The following GRIK3 variants were observed in gnomAD, a reference collection of about 807,000 sequenced individuals.
The protein encoded by GRIK3 is glutamate ionotropic receptor kainate type subunit 3.
A neutral mutation model predicts 102.5 loss-of-function variants in GRIK3; 29 were observed. The observed-to-expected ratio is 0.28, with a 90% CI of 0.21 to 0.39. GRIK3 has a LOEUF of 0.39. Among genes scored for constraint, GRIK3 ranks in the 10% least tolerant of loss-of-function variants. The probability of loss-of-function intolerance (pLI) is 1.00; values close to 1 mark genes in which losing one functional copy is unlikely to be tolerated. For missense variants in GRIK3, 908 were observed against 1,252.4 expected, an observed-to-expected ratio of 0.73 and a Z score of 4.15; for synonymous variants, 511 against 504.9, an observed-to-expected ratio of 1.01 and a Z score of -0.16.
chr1:36,900,897 A>C (rs1487308614), intron 1 of GRIK3, among the ~76,000 whole-genome samples: 1 of 152,166 alleles, frequency 6.6e-6, no homozygotes, highest in African/African-American at 2.4e-5. Flanking sequence ...GTGGACATTA[A>C]AAAGATTATC....
intron 2 of GRIK3, among the ~76,000 whole-genome samples, chr1:36,885,345 A>G: frequency 6.6e-6 from 1 of 152,124 alleles, no homozygotes; most frequent in East Asian, 1.9e-4. Context: ...GAGACTGGTG[A>G]TGATGAAGAT....
rs961548861 is a variant in GRIK3, at chr1:36,795,699, C to A, written c.*6152G>T. 1.3e-5 allele frequency: 2 copies of A among 152,202 alleles called. No individual in the cohort carries two copies. The highest frequency in any genetic ancestry group is 2.9e-5 in the Non-Finnish European group (2 of 68,034). The allele number at this position is 152,202 out of a possible 1,614,324, so 9.4% of individuals were successfully genotyped here. A position where few individuals can be genotyped will look rare whatever the true frequency, so the allele number is the denominator to read the frequency against. ...CAAGTAACACAGTTACTATGAAACC[C>A]AAATTGTTACAAAATGTTTACAAAA... On this transcript the variant is annotated 3_prime_UTR_variant, in exon 16 of 16. Coordinates refer to ENST00000373091, the MANE Select transcript of GRIK3 (RefSeq NM_000831.4).
At chr1:37,001,905 G>A (rs1039637153) in intron 1 of GRIK3, among the ~76,000 whole-genome samples, 1 of 152,124 alleles carries the variant, frequency 6.6e-6, no homozygotes, top group Admixed American at 6.5e-5. Context: ...AGGAGACAAT[G>A]TGGAACTGCC....
intron 1 of GRIK3, among the ~76,000 whole-genome samples, chr1:36,948,185 A>T (rs551532231): frequency 3.3e-4 from 50 of 152,342 alleles, no homozygotes; most frequent in African/African-American, 1.1e-3. Flanking sequence ...TCTTGAGCAC[A>T]GTGAAGAGAG....
chr1:36,983,751 G>A (rs958274758), intron 1 of GRIK3, among the ~76,000 whole-genome samples: 5 of 152,038 alleles, frequency 3.3e-5, no homozygotes, highest in South Asian at 2.1e-4. Context: ...CCTGTTATAC[G>A]GTCTTGGAGT....
intron 1 of GRIK3, among the ~76,000 whole-genome samples, chr1:36,990,902 A>G (rs1235429044): frequency 6.6e-6 from 1 of 152,164 alleles, no homozygotes; most frequent in Non-Finnish European, 1.5e-5. Flanking sequence ...TGCTGGGGCC[A>G]TGAGCCTCCT....
At chr1:36,852,932 G>A (rs516273) in intron 8 of GRIK3, among the ~76,000 whole-genome samples, 27,014 of 152,226 alleles carry the variant, frequency 0.18, 2,701 homozygotes, top group African/African-American at 0.28. Flanking sequence ...AGAATATGCT[G>A]AAGGTTCCCA....
At chr1:37,004,572 T>A (rs1032075749) in intron 1 of GRIK3, among the ~76,000 whole-genome samples, 4 of 152,168 alleles carry the variant, frequency 2.6e-5, no homozygotes, top group Admixed American at 6.5e-5. Context: ...CAACAGGCTT[T>A]AAGTCTTCAC....
At chr1:36,817,568 A>G (rs1642645379) in intron 12 of GRIK3, among the ~76,000 whole-genome samples, 1 of 152,218 alleles carries the variant, frequency 6.6e-6, no homozygotes, top group East Asian at 1.9e-4. Context: ...ACGCAGGCTA[A>G]AATTTAAGAA....
At chr1:37,020,270 G>A (rs528017817) in intron 1 of GRIK3, among the ~76,000 whole-genome samples, 5 of 152,226 alleles carry the variant, frequency 3.3e-5, no homozygotes, top group South Asian at 2.1e-4. Context: ...ACCTGGAACC[G>A]CTGGGGTTGT....
rs1297340556 is a variant in GRIK3, at chr1:36,801,765, A to G, written c.*86T>C. The G allele has an allele frequency of 3.4e-6, 4 of 1,180,176 alleles. No homozygotes were observed. Among genetic ancestry groups the G allele is most frequent in the East Asian group, 2.5e-5 (1 of 39,346 alleles). The allele number at this position is 1,180,176 out of a possible 1,614,324, so 73.1% of individuals were successfully genotyped here. ...GGTGGCAGCTCTGGTCCCCAAGCCCAGTGCGGGGACAGGGGACGTTCCTTC... is the reference window on the plus strand; with the variant it reads ...GGTGGCAGCTCTGGTCCCCAAGCCCGGTGCGGGGACAGGGGACGTTCCTTC... On this transcript the variant is annotated 3_prime_UTR_variant, in exon 16 of 16. Transcript: ENST00000373091.
intron 2 of GRIK3, among the ~76,000 whole-genome samples, chr1:36,887,113 G>A (rs1557714304): frequency 6.6e-6 from 1 of 152,138 alleles, no homozygotes; most frequent in Non-Finnish European, 1.5e-5. Context: ...AGAAATGGAA[G>A]GTTTTACTCC....
intron 9 of GRIK3, chr1:36,849,975 T>G (rs1489031201): frequency 4.1e-6 from 1 of 242,212 alleles, no homozygotes; most frequent in African/African-American, 2.3e-5. Context: ...GGCTTTTGCC[T>G]GGGAACTGGG....
chr1:36,976,788 T>C (rs1642200585), intron 1 of GRIK3, among the ~76,000 whole-genome samples: 1 of 152,088 alleles, frequency 6.6e-6, no homozygotes, highest in African/African-American at 2.4e-5. Flanking sequence ...GCACCAGAGC[T>C]CTCAGTTGAC....
At chr1:36,948,482 T>G (rs1033563866) in intron 1 of GRIK3, among the ~76,000 whole-genome samples, 2 of 152,128 alleles carry the variant, frequency 1.3e-5, no homozygotes, top group African/African-American at 4.8e-5. Flanking sequence ...GTGCACCTAC[T>G]GTGTGCTAGG....
Position 36,880,524 on chromosome 1 carries a change from A to G in GRIK3, c.550+110T>C. On this transcript the variant is annotated intron_variant, in intron 3 of 15. Transcript: ENST00000373091. The surrounding 1 kb of genome is among the most constrained non-coding windows in gnomAD (Gnocchi z 5.4). ...ACCGAGTGGAACTGGGGTATGGAAC[A>G]CAGCCTCTTCCCCCAGGGCAGCTGT... 9.0e-7 allele frequency: 1 copy of G among 1,111,936 alleles called. No homozygotes were observed. Among genetic ancestry groups the G allele is most frequent in the Non-Finnish European group, 1.3e-6 (1 of 743,426 alleles). The allele number at this position is 1,111,936 out of a possible 1,614,324, so 68.9% of individuals were successfully genotyped here. A position where few individuals can be genotyped will look rare whatever the true frequency, so the allele number is the denominator to read the frequency against.
chr1:36,939,729 T>G (rs966131450), intron 1 of GRIK3, among the ~76,000 whole-genome samples: 1 of 152,238 alleles, frequency 6.6e-6, no homozygotes, highest in African/African-American at 2.4e-5. Context: ...CAAACCTCCC[T>G]TAATAATTGT....
At chr1:36,835,823 A>G (rs931424892) in intron 10 of GRIK3, among the ~76,000 whole-genome samples, 3 of 151,670 alleles carry the variant, frequency 2.0e-5, no homozygotes, top group Non-Finnish European at 4.4e-5. Context: ...GCTCTTTCCA[A>G]GCCTTTCCCC....
rs1177112736 is a variant in GRIK3, at chr1:36,796,699, T to G, written c.*5152A>C. On this transcript the variant is annotated 3_prime_UTR_variant, in exon 16 of 16. Coordinates refer to ENST00000373091, the MANE Select transcript of GRIK3 (RefSeq NM_000831.4). Reference sequence around the variant, plus strand: ...TGCTTTCCCTAGTTGTGAGCTGTGTTGTGTGCAAGTTGTGACTGCTTCTGC... The same window carrying G: ...TGCTTTCCCTAGTTGTGAGCTGTGTGGTGTGCAAGTTGTGACTGCTTCTGC... 1 of 152,222 alleles carries G rather than the reference T, an allele frequency of 6.6e-6. No homozygotes were observed. Among genetic ancestry groups the G allele is most frequent in the African/African-American group, 2.4e-5 (1 of 41,424 alleles). The allele number at this position is 152,222 out of a possible 1,614,324, so 9.4% of individuals were successfully genotyped here. A position where few individuals can be genotyped will look rare whatever the true frequency, so the allele number is the denominator to read the frequency against.
Sources: gnomAD v4.1 joint callset for allele counts (sites outside exome capture counted in the v4.1 genomes callset) on GRCh38, gnomAD v4.1.1 for gene constraint, Gnocchi (gnomAD v3.1) non-coding constraint, MANE v1.5 for transcripts, NCBI Gene and HGNC (gene_info 2026-07-23, HGNC 2026-07-21) for gene names.